ZWILCH: variants seen among roughly 807,000 people sequenced by gnomAD.
The protein encoded by ZWILCH is zwilch kinetochore protein.
ZWILCH carries 74 observed loss-of-function variants against 79.9 expected under a neutral mutation model. The observed-to-expected ratio is 0.93, with a 90% CI of 0.77 to 1.12. The LOEUF (loss-of-function observed/expected upper bound fraction) is 1.12. Among genes scored for constraint, ZWILCH ranks in the 50% most tolerant of loss-of-function variants. ZWILCH has a pLI of 0.00. For synonymous variants in ZWILCH, 241 were observed against 228.2 expected (o/e 1.06, Z -0.51); for missense variants, 694 against 687.5 (o/e 1.01, Z -0.11).
At chr15:66,529,060 C>A in intron 11 of ZWILCH, 103 bp downstream of exon 11, 1 of 879,098 alleles carries the variant, frequency 1.1e-6, no homozygotes, top group South Asian at 1.6e-5. Context: ...GTGGGGAAGT[C>A]TGGTTCTTAA....
intron 17 of ZWILCH, 43 bp downstream of exon 17, chr15:66,540,253 G>C (rs377751470): frequency 3.3e-6 from 5 of 1,506,350 alleles, no homozygotes; most frequent in Non-Finnish European, 4.6e-6. Flanking sequence ...AATTCCAACA[G>C]AAAATAAACT....
At position 66,537,456 on chromosome 15, in the gene ZWILCH, C is replaced by T. The variant is rs542845870; in HGVS notation, c.1574+193C>T. The stretch of plus-strand genomic sequence containing the variant: ...CTGTAATCCTAGCACTTTGGGAGGC[C>T]GAGGCGGGTGGATCCCCAGAGGTCA... On this transcript the variant is annotated intron_variant, in intron 16 of 18. Coordinates refer to ENST00000307897, the MANE Select transcript of ZWILCH (RefSeq NM_017975.5). Among the ~76,000 whole-genome samples the T allele has an allele frequency of 4.0e-5, 6 of 151,382 alleles. No individual in the cohort carries two copies. The East Asian group carries it at 5.8e-4, about 15-fold the overall frequency.
intron 1 of ZWILCH, 32 bp from the exon 2 acceptor site, chr15:66,508,809 T>TTC: frequency 6.2e-7 from 1 of 1,613,552 alleles, no homozygotes; most frequent in South Asian, 1.1e-5. Flanking sequence ...GATAATGTAG[T>TTC]TCTGTTTTTC....
chr15:66,533,095 C>G (rs907319673), intron 14 of ZWILCH, 82 bp downstream of exon 14: 3 of 916,582 alleles, frequency 3.3e-6, no homozygotes, highest in Admixed American at 2.4e-5. Context: ...CAATAATATG[C>G]TAGCCACTGT....
At chr15:66,516,943 C>T (rs1281555364) in intron 4 of ZWILCH, among the ~76,000 whole-genome samples, 1 of 152,146 alleles carries the variant, frequency 6.6e-6, no homozygotes, top group African/African-American at 2.4e-5. Flanking sequence ...TGGGTTGATT[C>T]ATGCGCTTAT....
intron 18 of ZWILCH, chr15:66,547,686 G>A (rs1236698833): frequency 6.6e-6 from 1 of 152,166 alleles, no homozygotes; most frequent in Non-Finnish European, 1.5e-5. Context: ...AGACTAAAGT[G>A]TCAGAAGAGT....
At chr15:66,532,122 G>T (rs1320627811) in intron 12 of ZWILCH, 125 bp from the exon 13 acceptor site, 1 of 694,838 alleles carries the variant, frequency 1.4e-6, no homozygotes, top group Non-Finnish European at 2.3e-6. Context: ...AATTTATAGT[G>T]TTAGGAGACT....
In ZWILCH at chr15:66,519,001, C is replaced by T; in HGVS notation, c.443C>T (p.Thr148Ile). Residue 148 changes from threonine to isoleucine, a missense_variant, in exon 5 of 19, where the codon ACT (threonine) becomes ATT (isoleucine). By Grantham distance (89) the Thr-to-Ile change is moderately conservative (BLOSUM62 -1). Coordinates refer to ENST00000307897, the MANE Select transcript of ZWILCH (RefSeq NM_017975.5). ...VRCDSSDPEG[T>I]CWLGAELITT... ...TGTGACAGTTCAGATCCTGAAGGTA[C>T]TTGTTGGCTAGGAGCTGAGCTTATC... The T allele has an allele frequency of 6.2e-7, 1 of 1,614,198 alleles. No homozygotes were observed. Among genetic ancestry groups the T allele is most frequent in the Non-Finnish European group, 8.5e-7 (1 of 1,180,036 alleles).
At chr15:66,544,443 T>A (rs1895290680) in intron 17 of ZWILCH, among the ~76,000 whole-genome samples, 1 of 151,850 alleles carries the variant, frequency 6.6e-6, no homozygotes, top group Admixed American at 6.6e-5. Context: ...GCAATCCTCC[T>A]ACTTCAGCGT....
Position 66,526,962 on chromosome 15 carries a change from A to G in ZWILCH, c.820-328A>G, listed in dbSNP as rs57584494. Among the ~76,000 whole-genome samples the G allele has an allele frequency of 2.9e-3, 438 of 152,246 alleles. 2 individuals are homozygous for G. Among genetic ancestry groups the G allele is most frequent in the African/African-American group, 0.01 (423 of 41,548 alleles). The stretch of plus-strand genomic sequence containing the variant: ...CAGTCTTAAGTCCTCTGTAGCACCT[A>G]TGCACGTGGCATCATTGTTCAGAGT... On this transcript the variant is annotated intron_variant, in intron 8 of 18. Transcript: ENST00000307897.
chr15:66,514,255 A>G (rs1028424493), intron 3 of ZWILCH, 172 bp downstream of exon 3: 3 of 384,010 alleles, frequency 7.8e-6, no homozygotes, highest in Non-Finnish European at 9.4e-6. Context: ...CACATATGCA[A>G]TTTAACATTT....
At position 66,532,454 on chromosome 15, in the gene ZWILCH, G is replaced by A. The variant is rs187131104; in HGVS notation, c.1312+51G>A. 244 of 1,501,616 alleles carry A rather than the reference G, an allele frequency of 1.6e-4. 1 individual carries two copies. The highest frequency in any genetic ancestry group is 5.4e-6 in the Non-Finnish European group (6 of 1,108,940). 93.0% of individuals were successfully genotyped at this position (1,501,616 alleles called of 1,614,324 possible). A position where few individuals can be genotyped will look rare whatever the true frequency, so the allele number is the denominator to read the frequency against. On this transcript the variant is annotated intron_variant, in intron 13 of 18. Transcript: ENST00000307897. ...ATTAAAAAACACATCACAGTTATCA[G>A]TCACAGATATTCTCGGATTTTCTGT... is the stretch of plus-strand genomic sequence containing the variant.
chr15:66,528,772 C>T (rs1894761953), intron 10 of ZWILCH, 80 bp from the exon 11 acceptor site: 2 of 1,183,290 alleles, frequency 1.7e-6, no homozygotes, highest in African/African-American at 1.5e-5. Flanking sequence ...TCCATAATTT[C>T]TCAGAGCAGC....
At chr15:66,513,906 T>TG (rs1300442759) in intron 2 of ZWILCH, 82 bp from the exon 3 acceptor site, 32 of 1,104,004 alleles carry the variant, frequency 2.9e-5, no homozygotes, top group Non-Finnish European at 4.1e-5. Context: ...TCCATTGACT[T>TG]GCATAGAACT....
At chr15:66,528,596 G>C (rs1894756105) in intron 10 of ZWILCH, among the ~76,000 whole-genome samples, 1 of 130,426 alleles carries the variant, frequency 7.7e-6, no homozygotes, top group African/African-American at 2.8e-5. Context: ...GGAGACCAAG[G>C]TAATTTAATT....
chr15:66,520,142 G>A (rs1436363486), intron 5 of ZWILCH, among the ~76,000 whole-genome samples: 3 of 151,100 alleles, frequency 2.0e-5, no homozygotes, highest in Admixed American at 2.0e-4. Flanking sequence ...GTTTTTTGAG[G>A]TAGGATCTTA....
chr15:66,516,109 G>A (rs960490838), intron 4 of ZWILCH, among the ~76,000 whole-genome samples: 3 of 152,234 alleles, frequency 2.0e-5, no homozygotes, highest in African/African-American at 7.2e-5. Context: ...TGGAAATATA[G>A]GGGAGTATTT....
At chr15:66,528,330 G>A (rs1294776432) in intron 10 of ZWILCH, among the ~76,000 whole-genome samples, 1 of 152,070 alleles carries the variant, frequency 6.6e-6, no homozygotes, top group Non-Finnish European at 1.5e-5. Context: ...TCTTGAACTC[G>A]TGGGCTCAAG....
intron 2 of ZWILCH, among the ~76,000 whole-genome samples, chr15:66,512,215 T>G (rs1175005090): frequency 6.6e-6 from 1 of 152,196 alleles, no homozygotes; most frequent in African/African-American, 2.4e-5. Flanking sequence ...CTGTTTTTAT[T>G]AGGCAAAATC....
Sources: gnomAD v4.1 joint callset for allele counts (sites outside exome capture counted in the v4.1 genomes callset) on GRCh38, gnomAD v4.1.1 for gene constraint, MANE v1.5 for transcripts, NCBI Gene and HGNC (gene_info 2026-07-23, HGNC 2026-07-21) for gene names.